Variants in ZFP2 observed in about 807,000 individuals in gnomAD.
The protein encoded by ZFP2 is ZFP2 zinc finger protein, also known as zinc finger protein ZFP2.
Under a neutral mutation model 36.1 loss-of-function variants are expected in ZFP2, and 33 were observed. The ratio of observed to expected loss-of-function variants is 0.92; its 90% CI spans 0.69 to 1.22. The LOEUF (loss-of-function observed/expected upper bound fraction) is 1.22, where lower values mean the gene tolerates loss of function less well. Ranked by LOEUF, ZFP2 falls within the 50% of genes most tolerant of loss-of-function variation. The pLI, the probability that ZFP2 is intolerant of heterozygous loss-of-function variation, is 0.00. For missense variants in ZFP2, 522 were observed against 551.4 expected, an observed-to-expected ratio of 0.95 and a Z score of 0.53; for synonymous variants, 170 against 178.0, an observed-to-expected ratio of 0.96 and a Z score of 0.36.
At chr5:178,908,446 C>G (rs1309327410) in intron 1 of ZFP2, among the ~76,000 whole-genome samples, 2 of 136,104 alleles carry the variant, frequency 1.5e-5, no homozygotes, top group African/African-American at 5.4e-5. Context: ...GACTCCATCT[C>G]AAAAAAAAAA....
chr5:178,926,809 C>T (rs1202614384), intron 4 of ZFP2, among the ~76,000 whole-genome samples: 2 of 151,746 alleles, frequency 1.3e-5, no homozygotes, highest in African/African-American at 2.4e-5. Context: ...TCAGCCACCA[C>T]GCCCGGCCAC....
intron 4 of ZFP2, chr5:178,922,860 T>C (rs1758587909): frequency 2.3e-6 from 2 of 856,856 alleles, no homozygotes; most frequent in Non-Finnish European, 1.7e-6. Flanking sequence ...CTTTTTAAAC[T>C]ATGAAACCCC....
intron 4 of ZFP2, among the ~76,000 whole-genome samples, chr5:178,917,340 C>T (rs61492890): frequency 6.6e-6 from 1 of 152,048 alleles, no homozygotes; most frequent in Non-Finnish European, 1.5e-5. Flanking sequence ...TGTGGCCGGG[C>T]GTCGTGGCTC....
intron 1 of ZFP2, chr5:178,909,834 T>C (rs772822289): frequency 5.8e-5 from 93 of 1,590,636 alleles, no homozygotes; most frequent in Non-Finnish European, 5.7e-5. Context: ...CCAGGCCTCA[T>C]CTTCACTGTG....
intron 4 of ZFP2, 110 bp downstream of exon 4, chr5:178,916,820 T>G (rs906958223): frequency 1.2e-6 from 1 of 808,974 alleles, no homozygotes; most frequent in Admixed American, 6.2e-5. Flanking sequence ...TACTTTGAGT[T>G]TAATGGTAAT....
At chr5:178,929,687 C>G (rs1758775505) in intron 4 of ZFP2, among the ~76,000 whole-genome samples, 1 of 152,174 alleles carries the variant, frequency 6.6e-6, no homozygotes, top group Admixed American at 6.5e-5. Context: ...TCCAAACTCT[C>G]TCTTATCTTC....
rs534524667 is a variant in ZFP2, at chr5:178,931,118, A to G, written c.-77-119A>G. On this transcript the variant is annotated intron_variant, in intron 4 of 4. Coordinates refer to ENST00000361362, the MANE Select transcript of ZFP2 (RefSeq NM_030613.4). ...TTGGGTACATGTTTGAAAGCTCTCAAATGTGCTCAGCAGTTATTTTAGTTG... is the reference window on the plus strand; with the variant it reads ...TTGGGTACATGTTTGAAAGCTCTCAGATGTGCTCAGCAGTTATTTTAGTTG... 4.6e-5 allele frequency: 53 copies of G among 1,160,728 alleles called. 1 individual carries two copies. In the African/African-American group the frequency reaches 5.0e-4, roughly 11 times the overall value. 71.9% of individuals were successfully genotyped at this position (1,160,728 alleles called of 1,614,324 possible).
intron 4 of ZFP2, among the ~76,000 whole-genome samples, chr5:178,923,795 T>G (rs958854432): frequency 6.7e-6 from 1 of 149,044 alleles, no homozygotes; most frequent in African/African-American, 2.4e-5. Flanking sequence ...GAACTAACTT[T>G]TAAGTCTAAA....
intron 1 of ZFP2, among the ~76,000 whole-genome samples, chr5:178,909,031 C>T (rs1758232664): frequency 6.7e-6 from 1 of 150,278 alleles, no homozygotes; most frequent in Non-Finnish European, 1.5e-5. Flanking sequence ...TAAAACCCCT[C>T]GTGGCCTGGA....
chr5:178,924,155 C>T lies in ZFP2; in HGVS notation c.-77-7082C>T, dbSNP rs150151284. On this transcript the variant is annotated intron_variant, in intron 4 of 4. Coordinates refer to ENST00000361362, the MANE Select transcript of ZFP2 (RefSeq NM_030613.4). ...TTTTGAGGCCGAGGCGGGCGGATCA[C>T]GAGGTCAGGAGATCGAGACCATCTT... Among the ~76,000 whole-genome samples the T allele has an allele frequency of 9.4e-3, 1,393 of 148,756 alleles. 51 individuals are homozygous for T. The highest frequency in any genetic ancestry group is 0.031 in the African/African-American group (1,296 of 41,150).
intron 1 of ZFP2, chr5:178,910,670 C>T (rs1030478279): frequency 2.8e-6 from 1 of 358,782 alleles, no homozygotes; most frequent in African/African-American, 2.1e-5. Flanking sequence ...GCCGCTGGCC[C>T]ATGCACCTCA....
At chr5:178,913,422 A>C (rs1331258042) in intron 3 of ZFP2, among the ~76,000 whole-genome samples, 1 of 152,144 alleles carries the variant, frequency 6.6e-6, no homozygotes, top group Non-Finnish European at 1.5e-5. Flanking sequence ...ACTGTCTTTC[A>C]TGAGTGTTTC....
In ZFP2 at chr5:178,918,556, A is replaced by G. The variant is rs1431607170; in HGVS notation, c.-78+1846A>G. Among the ~76,000 whole-genome samples, 5 of 152,196 alleles carry G rather than the reference A, an allele frequency of 3.3e-5. No homozygotes were observed. In the East Asian group the frequency reaches 9.6e-4, roughly 29 times the overall value. ...CTAAGGGGTCTGTGACAGACCAGAC[A>G]CCTTGGTCTGGAGACTCTAGTTCAT... is the stretch of plus-strand genomic sequence containing the variant. On this transcript the variant is annotated intron_variant, in intron 4 of 4. Coordinates refer to ENST00000361362, the MANE Select transcript of ZFP2 (RefSeq NM_030613.4).
Position 178,932,019 on chromosome 5 carries a change from C to T in ZFP2, c.706C>T (p.His236Tyr). The change falls in exon 5 of 5, where the codon CAT becomes TAT. Residue 236 changes from histidine to tyrosine, a missense_variant. Transcript: ENST00000361362. ...SMNLTVHQRT[H>Y]TGEKPYECNE... ...GAATTTGACAGTTCATCAGAGAACT[C>T]ATACAGGAGAAAAACCCTATGAATG... The T allele has an allele frequency of 6.2e-7, 1 of 1,613,874 alleles. No individual in the cohort carries two copies. Among genetic ancestry groups the T allele is most frequent in the Non-Finnish European group, 8.5e-7 (1 of 1,179,950 alleles).
At chr5:178,902,716 C>T (rs192309541) in intron 1 of ZFP2, among the ~76,000 whole-genome samples, 5 of 152,250 alleles carry the variant, frequency 3.3e-5, no homozygotes, top group Admixed American at 3.3e-4. Context: ...TCCAAGCTCC[C>T]TATTATCTCT....
chr5:178,900,918 T>A (rs1758043259), intron 1 of ZFP2, among the ~76,000 whole-genome samples: 1 of 152,262 alleles, frequency 6.6e-6, no homozygotes, highest in Admixed American at 6.5e-5. Flanking sequence ...GAACTTCATG[T>A]CAATGAAATC....
In ZFP2 at chr5:178,924,870, A is replaced by G. The variant is rs972431471; in HGVS notation, c.-77-6367A>G. Among the ~76,000 whole-genome samples, 4 of 147,980 alleles carry G rather than the reference A, an allele frequency of 2.7e-5. 1 individual carries two copies. The highest frequency in any genetic ancestry group is 7.3e-5 in the African/African-American group (3 of 40,896). On this transcript the variant is annotated intron_variant, in intron 4 of 4. Coordinates refer to ENST00000361362, the MANE Select transcript of ZFP2 (RefSeq NM_030613.4). ...TCTCAAAATAATAATAATAATAATA[A>G]GGCAGATATCCAGTTACCAGAGCCC...
At chr5:178,929,807 G>C (rs11249605) in intron 4 of ZFP2, among the ~76,000 whole-genome samples, 1 of 151,568 alleles carries the variant, frequency 6.6e-6, no homozygotes, top group East Asian at 1.9e-4. Flanking sequence ...CCACTTCCCC[G>C]TACCAATTTT....
At chr5:178,903,177 G>A (rs901031199) in intron 1 of ZFP2, among the ~76,000 whole-genome samples, 5 of 152,312 alleles carry the variant, frequency 3.3e-5, no homozygotes, top group Middle Eastern at 3.4e-3. Context: ...CAATTACGAA[G>A]TACAGTAATA....
Sources: allele counts gnomAD v4.1 joint callset (sites outside exome capture counted in the v4.1 genomes callset), GRCh38; gene constraint gnomAD v4.1.1; transcripts MANE v1.5; gene names NCBI Gene and HGNC (gene_info 2026-07-23, HGNC 2026-07-21).